The following SLC7A11 variants were observed in gnomAD, a reference collection of about 807,000 sequenced individuals.
SLC7A11 encodes the protein cystine/glutamate transporter.
In SLC7A11, 35 loss-of-function variants were observed where a neutral mutation model predicts 54.5. That is an observed-to-expected ratio of 0.64 (90% CI 0.49 to 0.85). The LOEUF (loss-of-function observed/expected upper bound fraction) is 0.85, where lower values mean the gene tolerates loss of function less well. Among genes scored for constraint, SLC7A11 ranks in the 40% least tolerant of loss-of-function variants. SLC7A11 has a pLI of 0.00. For missense variants in SLC7A11, 583 were observed against 618.1 expected (o/e 0.94, Z 0.60); for synonymous variants, 230 against 225.2 (o/e 1.02, Z -0.19).
At chr4:138,216,430 G>A (rs1480269847) in intron 5 of SLC7A11, among the ~76,000 whole-genome samples, 2 of 152,114 alleles carry the variant, frequency 1.3e-5, no homozygotes, top group Non-Finnish European at 2.9e-5. Flanking sequence ...CTTTGGATCA[G>A]GATATGGGAC....
rs545564515 is a variant in SLC7A11 at position 138,169,404 on chromosome 4, T to G, written c.*2552A>C. The stretch of plus-strand genomic sequence containing the variant: ...TACTTAATCTCCATCACTTTTTTTC[T>G]TAATTACTGGCTGACTTTTTTTCTG... On this transcript the variant is annotated 3_prime_UTR_variant, in exon 12 of 12. Transcript: ENST00000280612. The G allele has an allele frequency of 7.9e-5, 12 of 152,156 alleles. No homozygotes were observed. The highest frequency in any genetic ancestry group is 1.8e-4 in the Non-Finnish European group (12 of 68,012). The allele number at this position is 152,156 out of a possible 1,614,324, so 9.4% of individuals were successfully genotyped here.
At position 138,169,447 on chromosome 4, in the gene SLC7A11, A is replaced by T. The variant is rs557577184; in HGVS notation, c.*2509T>A. 6.6e-6 allele frequency: 1 copy of T among 152,136 alleles called. No individual in the cohort carries two copies. The highest frequency in any genetic ancestry group is 1.5e-5 in the Non-Finnish European group (1 of 68,012). 9.4% of individuals were successfully genotyped at this position (152,136 alleles called of 1,614,324 possible). On this transcript the variant is annotated 3_prime_UTR_variant, in exon 12 of 12. Transcript: ENST00000280612. ...TTTTTCTGCGTGAAATGGCATTACA[A>T]TGGCAGGGAAATTTAATAATGCAAA... is the stretch of plus-strand genomic sequence containing the variant.
intron 3 of SLC7A11, among the ~76,000 whole-genome samples, chr4:138,230,963 C>A (rs979499688): frequency 6.6e-6 from 1 of 151,914 alleles, no homozygotes; most frequent in African/African-American, 2.4e-5. Flanking sequence ...TGATGTTTTT[C>A]CAAAAGTATA....
Position 138,241,794 on chromosome 4 carries a change from A to C in SLC7A11, c.276T>G (p.Phe92Leu). 6.2e-7 allele frequency: 1 copy of C among 1,612,380 alleles called. No individual in the cohort carries two copies. ...IWTVCGVLSL[F>L]GALSYAELGT... is the part of the protein sequence containing the mutation. ...CACGAGAGAAAAAGTCGCACTCACC[A>C]AATAGTGACAGGACCCCACACACCG... The change falls in exon 1 of 12, where the codon TTT becomes TTG. Residue 92 changes from phenylalanine (F) to leucine (L), a missense_variant and splice_region_variant. Physicochemically the swap from Phe to Leu is conservative, Grantham distance 22 (BLOSUM62 0). Coordinates refer to ENST00000280612, the MANE Select transcript of SLC7A11 (RefSeq NM_014331.4).
chr4:138,222,730 C>T (rs1401220642), intron 4 of SLC7A11, among the ~76,000 whole-genome samples: 1 of 152,122 alleles, frequency 6.6e-6, no homozygotes, highest in Admixed American at 6.5e-5. Context: ...CGTATTGACT[C>T]CTCTGTTGAG....
intron 5 of SLC7A11, among the ~76,000 whole-genome samples, chr4:138,218,412 G>A (rs923089989): frequency 6.6e-6 from 1 of 152,092 alleles, no homozygotes; most frequent in Non-Finnish European, 1.5e-5. Flanking sequence ...TTACTACAAT[G>A]ATTTTGATAA....
At chr4:138,240,012 T>C (rs886586276) in intron 1 of SLC7A11, among the ~76,000 whole-genome samples, 3 of 152,168 alleles carry the variant, frequency 2.0e-5, no homozygotes, top group Non-Finnish European at 2.9e-5. Flanking sequence ...TAAGTGCATA[T>C]ACCAGAGCTA....
intron 1 of SLC7A11, among the ~76,000 whole-genome samples, chr4:138,240,768 A>C (rs1481189513): frequency 6.6e-6 from 1 of 152,182 alleles, no homozygotes; most frequent in Non-Finnish European, 1.5e-5. Context: ...GCAACTTTAA[A>C]GTACAGAATC....
chr4:138,213,532 C>CCTCTCTCTCT (rs71600143), intron 6 of SLC7A11, among the ~76,000 whole-genome samples: 3,355 of 148,896 alleles, frequency 0.023, 50 homozygotes, highest in Non-Finnish European at 0.03. Flanking sequence ...TTGTGTTTCT[C>CCTCTCTCTCT]CTCTCTCTCT....
chr4:138,212,569 A>C (rs183009201), intron 6 of SLC7A11, among the ~76,000 whole-genome samples: 7 of 151,830 alleles, frequency 4.6e-5, no homozygotes, highest in Admixed American at 4.6e-4. Flanking sequence ...GTGTGCACTA[A>C]ATCATGGACA....
intron 6 of SLC7A11, among the ~76,000 whole-genome samples, chr4:138,214,378 G>A (rs1737629208): frequency 6.6e-6 from 1 of 150,950 alleles, no homozygotes; most frequent in Non-Finnish European, 1.5e-5. Context: ...ATATAATTAA[G>A]CTATTTGTAT....
chr4:138,237,721 ATATATATATATATATATTTTTTTT>A (rs1353407431), intron 1 of SLC7A11, among the ~76,000 whole-genome samples: 274 of 7,812 alleles, frequency 0.035, 13 homozygotes, highest in African/African-American at 0.09. Flanking sequence ...ATATATATAT[ATATATATATATATATATTTTTTTT>A]TTTTTTTTTT....
rs369895161 is a variant in SLC7A11, at chr4:138,180,722, G to T, written c.1185C>A (p.Ala395=). The T allele has an allele frequency of 7.2e-5, 116 of 1,612,792 alleles. 1 individual carries two copies. Among genetic ancestry groups the T allele is most frequent in the Non-Finnish European group, 2.9e-5 (34 of 1,179,424 alleles). The change falls in exon 10 of 12, where the codon GCC becomes GCA. Residue 395 remains alanine, a synonymous_variant. Transcript: ENST00000280612. The part of the protein sequence containing the change: ...LDSLLNFLSF[A]RWLFIGLAVA... The stretch of plus-strand genomic sequence containing the variant: ...CTGCCAGCCCAATAAAAAGCCACCT[G>T]GCAAAACTGAGGAAATTCAAAAGAC...
At chr4:138,207,015 C>A (rs1737427340) in intron 6 of SLC7A11, among the ~76,000 whole-genome samples, 2 of 64,256 alleles carry the variant, frequency 3.1e-5, no homozygotes, top group Non-Finnish European at 8.0e-5. Context: ...AAAAAAAACC[C>A]CCAGAGGGAT....
At position 138,185,232 on chromosome 4, in the gene SLC7A11, A is replaced by C. The variant is rs762003190; in HGVS notation, c.804T>G (p.Leu268=). Residue 268 remains leucine (L), a synonymous_variant, in exon 7 of 12, where the codon CTT becomes CTG. Transcript: ENST00000280612. ...EVENPEKTIP[L]AICISMAIVT... is the part of the protein sequence containing the mutation. ...CAATGGCCATGGATATACATATTGCAAGGGGAATGGTTCTGAAATGCACAA... is the reference window on the plus strand; with the variant it reads ...CAATGGCCATGGATATACATATTGCCAGGGGAATGGTTCTGAAATGCACAA... 16 of 1,612,612 alleles carry C rather than the reference A, an allele frequency of 9.9e-6. No individual in the cohort carries two copies. The highest frequency in any genetic ancestry group is 1.3e-5 in the Non-Finnish European group (15 of 1,179,018).
intron 7 of SLC7A11, among the ~76,000 whole-genome samples, chr4:138,183,628 A>G (rs944125752): frequency 2.0e-5 from 3 of 152,292 alleles, no homozygotes; most frequent in African/African-American, 7.2e-5. Context: ...TAAAAGCTCA[A>G]ATCAGAAGTT....
chr4:138,173,968 G>C (rs1736502876), intron 11 of SLC7A11, among the ~76,000 whole-genome samples: 1 of 152,060 alleles, frequency 6.6e-6, no homozygotes, highest in Admixed American at 6.6e-5. Context: ...ACAGAGAAGG[G>C]GCTAGGGATA....
At chr4:138,233,629 C>T (rs1738135962) in intron 2 of SLC7A11, among the ~76,000 whole-genome samples, 1 of 152,138 alleles carries the variant, frequency 6.6e-6, no homozygotes, top group Admixed American at 6.6e-5. Flanking sequence ...TACTGGAGAG[C>T]GGCATAAGGT....
chr4:138,183,351 G>A (rs749174255), intron 7 of SLC7A11, 46 bp from the exon 8 acceptor site: 29 of 1,307,132 alleles, frequency 2.2e-5, no homozygotes, highest in Middle Eastern at 3.6e-4. Context: ...GCCAGAAAGT[G>A]GAATAAAATG....
Sources: gnomAD v4.1 joint callset for allele counts (sites outside exome capture counted in the v4.1 genomes callset) on GRCh38, gnomAD v4.1.1 for gene constraint, MANE v1.5 for transcripts, NCBI Gene and HGNC (gene_info 2026-07-23, HGNC 2026-07-21) for gene names.